VASH2: variants seen among roughly 807,000 people sequenced by gnomAD.
VASH2 encodes the protein tubulinyl-Tyr carboxypeptidase 2.
VASH2 carries 28 observed loss-of-function variants against 37.2 expected under a neutral mutation model. The observed-to-expected ratio is 0.75, with a 90% confidence interval of 0.56 to 1.03. VASH2 has a LOEUF of 1.03. Among genes scored for constraint, VASH2 ranks in the 50% least tolerant of loss-of-function variants. The pLI is 0.00. For synonymous variants in VASH2, 188 were observed against 174.7 expected (o/e 1.08, Z -0.60); for missense variants, 419 against 459.1 (o/e 0.91, Z 0.80).
At chr1:212,986,053 A>G (rs1482944670) in intron 7 of VASH2, among the ~76,000 whole-genome samples, 4 of 152,256 alleles carry the variant, frequency 2.6e-5, no homozygotes, top group African/African-American at 9.6e-5. Context: ...AGATCGTTAG[A>G]TAAATCAGTT....
chr1:212,973,075 T>TAAA (rs1343674849), intron 6 of VASH2, 114 bp downstream of exon 6: 1 of 1,375,158 alleles, frequency 7.3e-7, no homozygotes, highest in Non-Finnish European at 9.7e-7. Flanking sequence ...TTCTTGAGGT[T>TAAA]AAAGTCTCTC....
At chr1:212,983,312 C>T (rs555001194) in intron 7 of VASH2, among the ~76,000 whole-genome samples, 22 of 152,278 alleles carry the variant, frequency 1.4e-4, no homozygotes, top group African/African-American at 5.3e-4. Context: ...TGTATTGGCC[C>T]ATGGTTCTGG....
At chr1:212,953,230 C>CGGGG (rs60925258) in intron 2 of VASH2, among the ~76,000 whole-genome samples, 90 of 125,754 alleles carry the variant, frequency 7.2e-4, no homozygotes, top group African/African-American at 2.2e-3. Context: ...TGCGGGTGCG[C>CGGGG]GGGGGGGGGT....
At chr1:212,968,528 T>G (rs1186558036) in intron 5 of VASH2, 7 of 985,362 alleles carry the variant, frequency 7.1e-6, no homozygotes, top group Admixed American at 6.1e-5. Flanking sequence ...GAAACCAGAT[T>G]GACCACAGGT....
chr1:212,973,335 C>T, intron 6 of VASH2: 2 of 1,239,826 alleles, frequency 1.6e-6, no homozygotes, highest in South Asian at 2.5e-5. Context: ...ATATGCTGGC[C>T]TTATATAGAC....
At chr1:212,968,358 G>A (rs886758107) in intron 5 of VASH2, 11 of 985,498 alleles carry the variant, frequency 1.1e-5, no homozygotes, top group Non-Finnish European at 1.3e-5. Context: ...AACCAGGAGA[G>A]AAAGGGGATG....
rs1666838198 is a variant in VASH2 at position 212,966,255 on chromosome 1, G to A, written c.423-16G>A. On this transcript the variant is annotated splice_polypyrimidine_tract_variant and intron_variant, in intron 4 of 7. Transcript: ENST00000517399. Reference sequence around the variant, plus strand: ...TAAATAGGTTCTGAGATCCTCTGCTGTGCTCTATCCTACAGGTTAATGGAA... The same window carrying A: ...TAAATAGGTTCTGAGATCCTCTGCTATGCTCTATCCTACAGGTTAATGGAA... The A allele has an allele frequency of 1.3e-6, 2 of 1,550,684 alleles. No homozygotes were observed.
chr1:212,972,697 C>T lies in VASH2; in HGVS notation c.615C>T (p.Gly205=). The T allele has an allele frequency of 6.2e-7, 1 of 1,614,244 alleles. No individual in the cohort carries two copies. Among genetic ancestry groups the T allele is most frequent in the Non-Finnish European group, 8.5e-7 (1 of 1,180,056 alleles). ...VLGIYCNGRY[G]SLGMSRRAEL... ...GGATTTACTGCAATGGCCGCTATGG[C>T]TCATTGGGCATGAGCCGCAGGGCTG... The change falls in exon 6 of 8, where the codon GGC becomes GGT. Residue 205 remains glycine, a synonymous_variant. Transcript: ENST00000517399.
At chr1:212,973,411 C>T (rs1667070530) in intron 6 of VASH2, 3 of 1,291,598 alleles carry the variant, frequency 2.3e-6, no homozygotes, top group African/African-American at 1.5e-5. Flanking sequence ...CCCGCTTGTC[C>T]ATGTCCCTCC....
chr1:212,965,718 A>G lies in VASH2; in HGVS notation c.366-4A>G. ...GTCACTTTCCCTTTACATACTTTACACAGATATAATCACACAGGGACCCAG... is the reference window on the plus strand; with the variant it reads ...GTCACTTTCCCTTTACATACTTTACGCAGATATAATCACACAGGGACCCAG... On this transcript the variant is annotated splice_region_variant and splice_polypyrimidine_tract_variant and intron_variant, in intron 3 of 7. Transcript: ENST00000517399. The G allele has an allele frequency of 6.4e-7, 1 of 1,551,400 alleles. No individual in the cohort carries two copies. The highest frequency in any genetic ancestry group is 8.7e-7 in the Non-Finnish European group (1 of 1,146,332).
intron 5 of VASH2, chr1:212,968,890 C>T (rs1358965521): frequency 1.0e-6 from 1 of 985,322 alleles, no homozygotes. Context: ...CTGAGTGCCT[C>T]TGGATTTAGG....
rs1374223449 is a variant in VASH2, at chr1:212,989,829, TAC to T, written c.*1247_*1248del. 2 of 152,152 alleles carry T rather than the reference TAC, an allele frequency of 1.3e-5. No homozygotes were observed. Among genetic ancestry groups the T allele is most frequent in the African/African-American group, 4.8e-5 (2 of 41,394 alleles). 9.4% of individuals were successfully genotyped at this position (152,152 alleles called of 1,614,324 possible). ...GAATGTCTGGCCTGCATATGGTAGTTACAGTGTAACCTCTGGCTGCAGACCAC... is the reference window on the plus strand; with the variant it reads ...GAATGTCTGGCCTGCATATGGTAGTTAGTGTAACCTCTGGCTGCAGACCAC... On this transcript the variant is annotated 3_prime_UTR_variant, in exon 8 of 8. Transcript: ENST00000517399.
chr1:212,981,607 C>T (rs145910557), intron 7 of VASH2, among the ~76,000 whole-genome samples: 4 of 152,294 alleles, frequency 2.6e-5, no homozygotes, highest in Non-Finnish European at 5.9e-5. Context: ...AAGAGTCTAA[C>T]GTTTACAGTG....
At chr1:212,988,364 G>C in intron 7 of VASH2, 148 bp from the exon 8 acceptor site, 2 of 737,240 alleles carry the variant, frequency 2.7e-6, no homozygotes, top group Non-Finnish European at 4.6e-6. Context: ...AAGTAGAGTT[G>C]TGAGCTAAGG....
In VASH2 at chr1:212,953,168, C is replaced by T. The variant is rs1479325746; in HGVS notation, c.276+1350C>T. ...TCCCATGCTGCCTTTCTTAGTAGCA[C>T]CCGTACCAACCCTGCCTCTAATTGT... is the stretch of plus-strand genomic sequence containing the variant. On this transcript the variant is annotated intron_variant, in intron 2 of 7. Transcript: ENST00000517399. 3.3e-5 allele frequency among the ~76,000 whole-genome samples: 5 copies of T among 152,164 alleles called. No homozygotes were observed. The South Asian group carries it at 1.0e-3, about 32-fold the overall frequency.
intron 7 of VASH2, among the ~76,000 whole-genome samples, chr1:212,981,721 T>G (rs34874166): frequency 1.3e-5 from 2 of 152,232 alleles, no homozygotes; most frequent in East Asian, 1.9e-4. Flanking sequence ...CCGGCACACG[T>G]ACCCAGACAT....
intron 3 of VASH2, among the ~76,000 whole-genome samples, chr1:212,961,819 C>T (rs1231525001): frequency 2.0e-5 from 3 of 152,194 alleles, no homozygotes; most frequent in Admixed American, 6.5e-5. Context: ...GTCAGGCTGG[C>T]CTGGAACTTA....
At chr1:212,983,413 GGAAA>G (rs1333227021) in intron 7 of VASH2, among the ~76,000 whole-genome samples, 10 of 152,304 alleles carry the variant, frequency 6.6e-5, no homozygotes, top group Admixed American at 2.6e-4. Context: ...GAGGGAGAGA[GGAAA>G]GAAAGAGAGC....
intron 7 of VASH2, among the ~76,000 whole-genome samples, chr1:212,977,655 A>G (rs1007220359): frequency 2.6e-5 from 4 of 152,132 alleles, no homozygotes; most frequent in Admixed American, 1.3e-4. Flanking sequence ...CTGCCAGTGA[A>G]GGAGTTGAAG....
Sources: allele counts gnomAD v4.1 joint callset (sites outside exome capture counted in the v4.1 genomes callset), GRCh38; gene constraint gnomAD v4.1.1; transcripts MANE v1.5; gene names NCBI Gene and HGNC (gene_info 2026-07-23, HGNC 2026-07-21).